The following ATXN7L1 variants were observed in gnomAD, a reference collection of about 807,000 sequenced individuals.
ATXN7L1 encodes the protein ataxin-7-like protein 1.
ATXN7L1 carries 15 observed loss-of-function variants against 70.8 expected under a neutral mutation model. The observed-to-expected ratio is 0.21, with a 90% CI of 0.14 to 0.33. ATXN7L1 has a LOEUF of 0.33. ATXN7L1 is among the 10% of genes least tolerant of loss of function. The pLI is 1.00. For synonymous variants in ATXN7L1, 440 were observed against 445.1 expected, an observed-to-expected ratio of 0.99 and a Z score of 0.14; for missense variants, 975 against 1,097.1, an observed-to-expected ratio of 0.89 and a Z score of 1.57.
At chr7:105,754,008 T>G (rs541418589) in intron 3 of ATXN7L1, among the ~76,000 whole-genome samples, 1 of 152,192 alleles carries the variant, frequency 6.6e-6, no homozygotes, top group Non-Finnish European at 1.5e-5. Context: ...CGGTCTCAGT[T>G]TCCTCTCTGT....
At chr7:105,822,206 C>T (rs1167551318) in intron 2 of ATXN7L1, among the ~76,000 whole-genome samples, 2 of 152,126 alleles carry the variant, frequency 1.3e-5, no homozygotes, top group African/African-American at 2.4e-5. Context: ...GGGAGGCTGA[C>T]GTGGGAGGAT....
At chr7:105,738,191 C>T (rs1013883171) in intron 3 of ATXN7L1, among the ~76,000 whole-genome samples, 9 of 152,336 alleles carry the variant, frequency 5.9e-5, no homozygotes, top group Non-Finnish European at 7.3e-5. Context: ...TCAACTCTTT[C>T]GTGTGGCCTT....
chr7:105,654,377 A>G (rs913113785), intron 4 of ATXN7L1, among the ~76,000 whole-genome samples: 1 of 152,270 alleles, frequency 6.6e-6, no homozygotes, highest in Non-Finnish European at 1.5e-5. Context: ...ACCGTGTTTA[A>G]TCTCTATCCC....
At chr7:105,712,600 C>G (rs377280184) in intron 3 of ATXN7L1, among the ~76,000 whole-genome samples, 1 of 152,196 alleles carries the variant, frequency 6.6e-6, no homozygotes, top group East Asian at 1.9e-4. Flanking sequence ...CCACAGATCC[C>G]TAGGGCAGGG....
At chr7:105,852,653 G>A (rs889881276) in intron 2 of ATXN7L1, among the ~76,000 whole-genome samples, 2 of 151,710 alleles carry the variant, frequency 1.3e-5, no homozygotes, top group Non-Finnish European at 2.9e-5. Flanking sequence ...GGTGCACCTC[G>A]GCTGGCTTAT....
At chr7:105,789,679 G>T (rs888899376) in intron 2 of ATXN7L1, among the ~76,000 whole-genome samples, 2 of 152,178 alleles carry the variant, frequency 1.3e-5, no homozygotes, top group Non-Finnish European at 2.9e-5. Flanking sequence ...GGAAACAGCA[G>T]GGTGAGGCTG....
intron 2 of ATXN7L1, among the ~76,000 whole-genome samples, chr7:105,805,376 G>A (rs1042091969): frequency 4.6e-5 from 7 of 152,218 alleles, no homozygotes; most frequent in African/African-American, 1.7e-4. Context: ...AGTTCAGGGG[G>A]CTGGCAGCTA....
intron 2 of ATXN7L1, among the ~76,000 whole-genome samples, chr7:105,861,412 G>A (rs1218359991): frequency 1.3e-5 from 2 of 151,992 alleles, no homozygotes; most frequent in Non-Finnish European, 2.9e-5. Flanking sequence ...TAGCTGGGAT[G>A]GGGGTGGGGG....
chr7:105,667,498 G>A (rs1277758564), intron 3 of ATXN7L1, among the ~76,000 whole-genome samples: 1 of 99,434 alleles, frequency 1.0e-5, no homozygotes, highest in African/African-American at 3.0e-5. Context: ...AGGAGATCGA[G>A]ACCATCCCGG....
chr7:105,623,139 C>G (rs1188969142), intron 8 of ATXN7L1, among the ~76,000 whole-genome samples: 1 of 152,174 alleles, frequency 6.6e-6, no homozygotes, highest in Non-Finnish European at 1.5e-5. Context: ...CACAGGTAAG[C>G]ATTATCCCCA....
intron 4 of ATXN7L1, among the ~76,000 whole-genome samples, chr7:105,659,355 C>T (rs967170914): frequency 5.9e-5 from 9 of 152,146 alleles, no homozygotes; most frequent in South Asian, 2.1e-4. Flanking sequence ...TTTACTGACA[C>T]GAGTACCACG....
Position 105,619,140 on chromosome 7 carries a change from G to GTTTTTTTTTTTTTTTTTTTT in ATXN7L1, c.1517+1040_1517+1059dup, listed in dbSNP as rs1191774371. On this transcript the variant is annotated intron_variant, in intron 9 of 11. Transcript: ENST00000419735. ...GTCCACAACCATAATGAAATCTTTA[G>GTTTTTTTTTTTTTTTTTTTT]TTTTTTTTTTTTTTTTTTTTTTTTT... Among the ~76,000 whole-genome samples, 45 of 49,844 alleles carry GTTTTTTTTTTTTTTTTTTTT rather than the reference G, an allele frequency of 9.0e-4. 17 individuals carry two copies. Among genetic ancestry groups the GTTTTTTTTTTTTTTTTTTTT allele is most frequent in the Middle Eastern group, 0.042 (1 of 24 alleles). The allele number at this position is 49,844 out of a possible 152,430, so 32.7% of individuals were successfully genotyped here. A position where few individuals can be genotyped will look rare whatever the true frequency, so the allele number is the denominator to read the frequency against.
intron 2 of ATXN7L1, among the ~76,000 whole-genome samples, chr7:105,840,245 T>C (rs1813011683): frequency 6.6e-6 from 1 of 152,188 alleles, no homozygotes; most frequent in Non-Finnish European, 1.5e-5. Flanking sequence ...AAAGTCATGC[T>C]GGAGACAGTA....
rs989225534 is a variant in ATXN7L1 at position 105,819,554 on chromosome 7, C to A, written c.251-30846G>T. The stretch of plus-strand genomic sequence containing the variant: ...GCCATCTCCTGGGCCGCCTGGCGGC[C>A]ATCGTGGCTAAGTAGGTACTGCTGG... On this transcript the variant is annotated intron_variant, in intron 2 of 11. Transcript: ENST00000419735. 1.2e-4 allele frequency: 171 copies of A among 1,374,200 alleles called. No individual in the cohort carries two copies. The African/African-American group carries it at 2.2e-3, about 17-fold the overall frequency. The allele number at this position is 1,374,200 out of a possible 1,614,324, so 85.1% of individuals were successfully genotyped here.
rs1017594318 is a variant in ATXN7L1 at position 105,790,652 on chromosome 7, A to G, written c.251-1944T>C. Among the ~76,000 whole-genome samples, 3 of 140,710 alleles carry G rather than the reference A, an allele frequency of 2.1e-5. No individual in the cohort carries two copies. The East Asian group carries it at 6.3e-4, about 29-fold the overall frequency. 92.3% of individuals were successfully genotyped at this position (140,710 alleles called of 152,430 possible). ...TATCTATCTATCTATCTATCTATCTATCATCTATCTACTATCTATCTACTA... is the reference window on the plus strand; with the variant it reads ...TATCTATCTATCTATCTATCTATCTGTCATCTATCTACTATCTATCTACTA... On this transcript the variant is annotated intron_variant, in intron 2 of 11. Coordinates refer to ENST00000419735, the MANE Select transcript of ATXN7L1 (RefSeq NM_020725.2).
chr7:105,874,161 G>T (rs1411957791), intron 2 of ATXN7L1, among the ~76,000 whole-genome samples: 1 of 151,716 alleles, frequency 6.6e-6, no homozygotes, highest in Non-Finnish European at 1.5e-5. Flanking sequence ...TTCTCATGAG[G>T]CAAAGAGAAT....
At chr7:105,805,747 G>A (rs905155531) in intron 2 of ATXN7L1, among the ~76,000 whole-genome samples, 4 of 152,162 alleles carry the variant, frequency 2.6e-5, no homozygotes, top group Non-Finnish European at 4.4e-5. Context: ...CAGGGGGAGG[G>A]GCAGCCCGGG....
At chr7:105,869,154 A>G (rs1817888572) in intron 2 of ATXN7L1, among the ~76,000 whole-genome samples, 1 of 151,992 alleles carries the variant, frequency 6.6e-6, no homozygotes, top group African/African-American at 2.4e-5. Context: ...TTTCCTCCCT[A>G]CCACCTTTAA....
chr7:105,658,093 A>G (rs914097810), intron 4 of ATXN7L1, among the ~76,000 whole-genome samples: 2 of 152,130 alleles, frequency 1.3e-5, no homozygotes, highest in Admixed American at 6.6e-5. Flanking sequence ...GTCATGTGTC[A>G]CTTCATGATG....
Sources: allele counts gnomAD v4.1 joint callset (sites outside exome capture counted in the v4.1 genomes callset), GRCh38; gene constraint gnomAD v4.1.1; transcripts MANE v1.5; gene names NCBI Gene and HGNC (gene_info 2026-07-23, HGNC 2026-07-21).